The following ARHGAP24 variants were observed in gnomAD, a reference collection of about 807,000 sequenced individuals.
ARHGAP24 encodes the protein Rho GTPase activating protein 24.
Under a neutral mutation model 76.4 loss-of-function variants are expected in ARHGAP24, and 50 were observed. That is an observed-to-expected ratio of 0.65 (90% CI 0.52 to 0.83). The LOEUF (loss-of-function observed/expected upper bound fraction) is 0.83, where lower values mean the gene tolerates loss of function less well. ARHGAP24 is among the 40% of genes least tolerant of loss of function. The probability of loss-of-function intolerance (pLI) is 0.00; values close to 1 mark genes in which losing one functional copy is unlikely to be tolerated. For missense variants in ARHGAP24, 930 were observed against 914.2 expected, an observed-to-expected ratio of 1.02 and a Z score of -0.22; for synonymous variants, 345 against 323.3, an observed-to-expected ratio of 1.07 and a Z score of -0.72.
chr4:85,769,777 C>T (rs536468345), intron 3 of ARHGAP24, among the ~76,000 whole-genome samples: 104 of 151,806 alleles, frequency 6.9e-4, no homozygotes, highest in African/African-American at 2.3e-3. Context: ...TTAGTAGAGA[C>T]GGGGTTTCAC....
intron 2 of ARHGAP24, among the ~76,000 whole-genome samples, chr4:85,656,629 A>C (rs1339547072): frequency 6.6e-6 from 1 of 151,960 alleles, no homozygotes; most frequent in Non-Finnish European, 1.5e-5. Context: ...CACCATGACC[A>C]GCTAATTTTT....
chr4:85,967,060 T>A (rs1738666037), intron 5 of ARHGAP24, among the ~76,000 whole-genome samples: 1 of 152,086 alleles, frequency 6.6e-6, no homozygotes, highest in Admixed American at 6.6e-5. Flanking sequence ...AAAGGAGGAA[T>A]GGGGATAGAG....
intron 3 of ARHGAP24, among the ~76,000 whole-genome samples, chr4:85,834,505 T>C (rs1730163091): frequency 6.6e-6 from 1 of 152,156 alleles, no homozygotes; most frequent in Non-Finnish European, 1.5e-5. Flanking sequence ...GACAGAAAAC[T>C]AATAAGAACA....
At chr4:85,624,296 G>A (rs1026779207) in intron 2 of ARHGAP24, among the ~76,000 whole-genome samples, 1 of 152,102 alleles carries the variant, frequency 6.6e-6, no homozygotes, top group African/African-American at 2.4e-5. Context: ...TTAGCATGAA[G>A]CGTTGTTGAA....
At chr4:85,641,853 A>G (rs1041070622) in intron 2 of ARHGAP24, among the ~76,000 whole-genome samples, 4 of 152,200 alleles carry the variant, frequency 2.6e-5, no homozygotes, top group South Asian at 4.1e-4. Flanking sequence ...GTGTTCAGCT[A>G]TCCAGAAGCT....
intron 3 of ARHGAP24, among the ~76,000 whole-genome samples, chr4:85,805,861 TG>T (rs1728768257): frequency 1.3e-5 from 2 of 152,182 alleles, no homozygotes; most frequent in South Asian, 4.1e-4. Flanking sequence ...CAAGCCTATT[TG>T]GAAATTTAAT....
At chr4:85,547,275 C>T (rs1309684614) in intron 1 of ARHGAP24, among the ~76,000 whole-genome samples, 2 of 152,126 alleles carry the variant, frequency 1.3e-5, no homozygotes, top group Non-Finnish European at 2.9e-5. Flanking sequence ...GTTTTGAAAA[C>T]ACGGCTAGCT....
intron 2 of ARHGAP24, among the ~76,000 whole-genome samples, chr4:85,646,275 T>C (rs1327469771): frequency 1.3e-5 from 2 of 152,178 alleles, no homozygotes; most frequent in East Asian, 3.9e-4. Flanking sequence ...ATAGAAATTA[T>C]ATATGCATTT....
intron 1 of ARHGAP24, among the ~76,000 whole-genome samples, chr4:85,538,846 T>C (rs1181883311): frequency 1.3e-5 from 2 of 152,172 alleles, no homozygotes; most frequent in East Asian, 3.8e-4. Context: ...GCTTCTGAGC[T>C]TATAAGAGAA....
At chr4:85,483,360 C>A (rs1046032537) in intron 1 of ARHGAP24, among the ~76,000 whole-genome samples, 2 of 152,086 alleles carry the variant, frequency 1.3e-5, no homozygotes, top group Non-Finnish European at 2.9e-5. Context: ...ATAGGCCAGG[C>A]GCTGTGGCTC....
intron 3 of ARHGAP24, among the ~76,000 whole-genome samples, chr4:85,793,981 G>A (rs185737124): frequency 6.6e-6 from 1 of 152,206 alleles, no homozygotes; most frequent in African/African-American, 2.4e-5. Flanking sequence ...CAGTGACTAA[G>A]AAGAGTTGTC....
intron 3 of ARHGAP24, among the ~76,000 whole-genome samples, chr4:85,894,713 AT>A (rs1247442513): frequency 6.6e-6 from 1 of 152,092 alleles, no homozygotes; most frequent in Non-Finnish European, 1.5e-5. Flanking sequence ...CAATCCCAGC[AT>A]TTTGGGAGAC....
chr4:85,667,772 A>C (rs1306987659), intron 2 of ARHGAP24, among the ~76,000 whole-genome samples: 1 of 152,198 alleles, frequency 6.6e-6, no homozygotes, highest in African/African-American at 2.4e-5. Context: ...GTTTCCATGA[A>C]AGCCAAATAA....
intron 1 of ARHGAP24, among the ~76,000 whole-genome samples, chr4:85,494,602 A>G (rs902414152): frequency 6.6e-6 from 1 of 150,904 alleles, no homozygotes; most frequent in Non-Finnish European, 1.5e-5. Flanking sequence ...AACAGCTTGA[A>G]CCCAGGAAGT....
rs1345426758 is a variant in ARHGAP24, at chr4:86,000,742, C to T, written c.*20C>T. 6.2e-7 allele frequency: 1 copy of T among 1,613,096 alleles called. No homozygotes were observed. The highest frequency in any genetic ancestry group is 8.5e-7 in the Non-Finnish European group (1 of 1,179,504). ...CAGTGAGCCTGCTTTCGCCTGCTGT[C>T]TCTGATGGCTCTGGCAAGGACTCCA... is the stretch of plus-strand genomic sequence containing the variant. On this transcript the variant is annotated 3_prime_UTR_variant, in exon 10 of 10. Coordinates refer to ENST00000395184, the MANE Select transcript of ARHGAP24 (RefSeq NM_001025616.3).
intron 2 of ARHGAP24, among the ~76,000 whole-genome samples, chr4:85,665,169 A>C (rs1419634878): frequency 1.3e-5 from 2 of 152,236 alleles, no homozygotes; most frequent in East Asian, 1.9e-4. Context: ...GTAGGTCACT[A>C]AGGACTTGCT....
chr4:85,729,017 T>A (rs1261868882), intron 3 of ARHGAP24, among the ~76,000 whole-genome samples: 1 of 152,238 alleles, frequency 6.6e-6, no homozygotes, highest in African/African-American at 2.4e-5. Context: ...GCTTAGGCAT[T>A]TAATTTTACA....
chr4:85,849,784 C>T (rs1018387272), intron 3 of ARHGAP24, among the ~76,000 whole-genome samples: 6 of 152,028 alleles, frequency 3.9e-5, no homozygotes, highest in African/African-American at 1.4e-4. Flanking sequence ...ATCCTTGCAT[C>T]CCAGGGGTGA....
chr4:85,924,185 A>G (rs1178168732), intron 4 of ARHGAP24, among the ~76,000 whole-genome samples: 1 of 152,220 alleles, frequency 6.6e-6, no homozygotes, highest in Non-Finnish European at 1.5e-5. Context: ...GAGGAATGCC[A>G]AAACTTTTGA....
Sources: gnomAD v4.1 joint callset for allele counts (sites outside exome capture counted in the v4.1 genomes callset) on GRCh38, gnomAD v4.1.1 for gene constraint, MANE v1.5 for transcripts, NCBI Gene and HGNC (gene_info 2026-07-23, HGNC 2026-07-21) for gene names.